HIF3A: variants seen among roughly 807,000 people sequenced by gnomAD.
The protein encoded by HIF3A is hypoxia-inducible factor 3-alpha.
Under a neutral mutation model 67.2 loss-of-function variants are expected in HIF3A, and 41 were observed. That is an observed-to-expected ratio of 0.61 (90% CI 0.48 to 0.79). The LOEUF is 0.79. Ranked by LOEUF, HIF3A falls within the 30% of genes least tolerant of loss-of-function variation. The probability of loss-of-function intolerance (pLI) is 0.00; values close to 1 mark genes in which losing one functional copy is unlikely to be tolerated. For synonymous variants in HIF3A, 356 were observed against 374.8 expected, an observed-to-expected ratio of 0.95 and a Z score of 0.58; for missense variants, 855 against 898.0, an observed-to-expected ratio of 0.95 and a Z score of 0.61.
intron 8 of HIF3A, 22 bp downstream of exon 8, chr19:46,312,675 G>A: frequency 1.3e-6 from 2 of 1,538,368 alleles, no homozygotes; most frequent in Non-Finnish European, 1.8e-6. Context: ...GAGGGGCTGG[G>A]GTGGCTGTGT....
In HIF3A at chr19:46,320,698, A is replaced by G; in HGVS notation, c.1144+137A>G. 3 of 642,002 alleles carry G rather than the reference A, an allele frequency of 4.7e-6. No individual in the cohort carries two copies. In the East Asian group the frequency reaches 8.1e-5, roughly 17 times the overall value. The allele number at this position is 642,002 out of a possible 1,614,324, so 39.8% of individuals were successfully genotyped here. On this transcript the variant is annotated intron_variant, in intron 9 of 14. Coordinates refer to ENST00000377670, the MANE Select transcript of HIF3A (RefSeq NM_152795.4). ...CTTCCCTGCGCACTCAGCCTCCAAA[A>G]CACACAGCCTCCTAAGAGCCCTTGG... is the stretch of plus-strand genomic sequence containing the variant.
chr19:46,336,874 C>T (rs1719180812), intron 14 of HIF3A, among the ~76,000 whole-genome samples: 1 of 152,160 alleles, frequency 6.6e-6, no homozygotes. Context: ...GTAATCCCAA[C>T]TACTCGGGAG....
intron 12 of HIF3A, among the ~76,000 whole-genome samples, chr19:46,329,954 G>A: frequency 2.1e-5 from 1 of 46,902 alleles, no homozygotes; most frequent in Non-Finnish European, 3.5e-5. Context: ...GTGAGACCCT[G>A]TCAAGAAAAA....
In HIF3A at chr19:46,336,382, T is replaced by C. The variant is rs185323516; in HGVS notation, c.1912+1396T>C. On this transcript the variant is annotated intron_variant, in intron 14 of 14. Transcript: ENST00000377670. ...GCTGGGATTACAGGCTTTCTCTTTT[T>C]TTTGAGAAGGGTCTCGCTCTGTCAC... is the stretch of plus-strand genomic sequence containing the variant. Among the ~76,000 whole-genome samples, 589 of 151,696 alleles carry C rather than the reference T, an allele frequency of 3.9e-3. 5 individuals carry two copies. Among genetic ancestry groups the C allele is most frequent in the Non-Finnish European group, 6.3e-3 (428 of 67,894 alleles).
Position 46,329,203 on chromosome 19 carries a change from G to T in HIF3A, c.1441-4G>T, listed in dbSNP as rs375923179. 5.5e-5 allele frequency: 88 copies of T among 1,595,674 alleles called. 1 individual carries two copies. The South Asian group carries it at 8.9e-4, about 16-fold the overall frequency. ...TCCTCTTACCTCCCTCCTGCCCTCCGCAGGATGCTGATGCTCTGGATTTGG... is the reference window on the plus strand; with the variant it reads ...TCCTCTTACCTCCCTCCTGCCCTCCTCAGGATGCTGATGCTCTGGATTTGG... On this transcript the variant is annotated splice_polypyrimidine_tract_variant and splice_region_variant and intron_variant, in intron 11 of 14. Transcript: ENST00000377670.
chr19:46,330,599 AATGG>A (rs1370466110), intron 12 of HIF3A, among the ~76,000 whole-genome samples: 1 of 146,894 alleles, frequency 6.8e-6, no homozygotes, highest in Non-Finnish European at 1.5e-5. Context: ...TCAATGGATT[AATGG>A]ATGGATGCAT....
At chr19:46,307,103 T>G (rs1156371972) in intron 3 of HIF3A, among the ~76,000 whole-genome samples, 1 of 152,018 alleles carries the variant, frequency 6.6e-6, no homozygotes, top group Non-Finnish European at 1.5e-5. Flanking sequence ...TCAGCAGCTT[T>G]TTAAATGTCA....
chr19:46,329,260 T>C lies in HIF3A; in HGVS notation c.1494T>C (p.Asp498=). 1 of 1,613,140 alleles carries C rather than the reference T, an allele frequency of 6.2e-7. No individual in the cohort carries two copies. Among genetic ancestry groups the C allele is most frequent in the Non-Finnish European group, 8.5e-7 (1 of 1,179,802 alleles). The part of the protein sequence containing the change: ...EMLAPYISMD[D]DFQLNASEQL... ...TGGCCCCCTACATCTCCATGGATGA[T>C]GACTTCCAGCTCAACGCCAGCGAGC... The change falls in exon 12 of 15, where the codon GAT becomes GAC. Residue 498 remains aspartate (D), a synonymous_variant. Coordinates refer to ENST00000377670, the MANE Select transcript of HIF3A (RefSeq NM_152795.4).
chr19:46,304,231 C>T (rs539861892), intron 2 of HIF3A, 143 bp downstream of exon 2: 2 of 692,560 alleles, frequency 2.9e-6, no homozygotes, highest in East Asian at 5.5e-5. Flanking sequence ...CGGAGCCCCA[C>T]CCCCCTGGAA....
chr19:46,313,567 T>C (rs1969662842), intron 8 of HIF3A, among the ~76,000 whole-genome samples: 1 of 150,594 alleles, frequency 6.6e-6, no homozygotes, highest in Non-Finnish European at 1.5e-5. Flanking sequence ...CACAGTTCTG[T>C]GAATTTTTGA....
At chr19:46,300,037 G>A (rs1000147284) in intron 1 of HIF3A, among the ~76,000 whole-genome samples, 5 of 152,162 alleles carry the variant, frequency 3.3e-5, no homozygotes, top group African/African-American at 9.7e-5. Context: ...AATGGAGGGC[G>A]CTGGGTTACT....
rs148285415 is a variant in HIF3A, at chr19:46,321,933, G to A, written c.1302G>A (p.Pro434=). 9.2e-5 allele frequency: 148 copies of A among 1,613,866 alleles called. 2 individuals are homozygous for A. The highest frequency in any genetic ancestry group is 7.9e-4 in the African/African-American group (59 of 75,032). ...GASVAATPST[P]LATRHPQSPL... The stretch of plus-strand genomic sequence containing the variant: ...CAGTAGCAGCCACTCCCAGCACCCC[G>A]CTGGCCACACGGCACCCCCAAAGTC... The change falls in exon 10 of 15, where the codon CCG becomes CCA. Residue 434 remains proline, a synonymous_variant. Coordinates refer to ENST00000377670, the MANE Select transcript of HIF3A (RefSeq NM_152795.4).
chr19:46,300,406 A>G (rs1378427177), intron 1 of HIF3A, among the ~76,000 whole-genome samples: 2 of 152,186 alleles, frequency 1.3e-5, no homozygotes, highest in East Asian at 3.8e-4. Flanking sequence ...CATGCCTGTA[A>G]TCCCAACATT....
chr19:46,312,849 A>C, intron 8 of HIF3A, 196 bp downstream of exon 8: 1 of 1,284,934 alleles, frequency 7.8e-7, no homozygotes, highest in Non-Finnish European at 9.8e-7. Context: ...GTCTGCATGG[A>C]CACAGGTATG....
At chr19:46,330,578 G>C (rs770629536) in intron 12 of HIF3A, among the ~76,000 whole-genome samples, 14 of 151,358 alleles carry the variant, frequency 9.2e-5, no homozygotes, top group Non-Finnish European at 2.1e-4. Flanking sequence ...ATGGATGGGT[G>C]GTTGGATTAA....
rs546305241 is a variant in HIF3A at position 46,297,053 on chromosome 19, C to T, written c.-24C>T. The T allele has an allele frequency of 6.9e-6, 9 of 1,303,090 alleles. No homozygotes were observed. In the South Asian group the frequency reaches 2.9e-4, roughly 42 times the overall value. 80.7% of individuals were successfully genotyped at this position (1,303,090 alleles called of 1,614,324 possible). A position where few individuals can be genotyped will look rare whatever the true frequency, so the allele number is the denominator to read the frequency against. ...GGAGGGGGCTAGGGGCCTCCGAGGGCTCCGGAGCGGCGACTGGCGAGCCAT... is the reference window on the plus strand; with the variant it reads ...GGAGGGGGCTAGGGGCCTCCGAGGGTTCCGGAGCGGCGACTGGCGAGCCAT... On this transcript the variant is annotated 5_prime_UTR_variant, in exon 1 of 15. Transcript: ENST00000377670. The surrounding 1 kb of genome is among the most constrained non-coding windows in gnomAD (Gnocchi z 4.5).
At chr19:46,326,493 TTGG>T (rs1337519343) in intron 11 of HIF3A, among the ~76,000 whole-genome samples, 1 of 152,038 alleles carries the variant, frequency 6.6e-6, no homozygotes, top group Non-Finnish European at 1.5e-5. Flanking sequence ...GCAGGGATCA[TTGG>T]GAACTTCCAA....
intron 14 of HIF3A, among the ~76,000 whole-genome samples, chr19:46,338,789 G>T (rs1235532836): frequency 6.6e-6 from 1 of 152,098 alleles, no homozygotes; most frequent in East Asian, 1.9e-4. Flanking sequence ...TCAAACTAGG[G>T]CAGCATCTGA....
chr19:46,331,542 C>T lies in HIF3A; in HGVS notation c.1830+269C>T, dbSNP rs539780374. ...AAAAAAAAAAAAAAAAAAAAAAAAA[C>T]TCTGCAAATACATGTAAGATGGCAG... On this transcript the variant is annotated intron_variant, in intron 13 of 14. Transcript: ENST00000377670. The T allele has an allele frequency of 2.0e-3, 361 of 183,602 alleles. 3 individuals are homozygous for T. The highest frequency in any genetic ancestry group is 0.011 in the African/African-American group (334 of 29,862). 11.4% of individuals were successfully genotyped at this position (183,602 alleles called of 1,614,324 possible). A position where few individuals can be genotyped will look rare whatever the true frequency, so the allele number is the denominator to read the frequency against.
Sources: gnomAD v4.1 joint callset for allele counts (sites outside exome capture counted in the v4.1 genomes callset) on GRCh38, gnomAD v4.1.1 for gene constraint, Gnocchi (gnomAD v3.1) non-coding constraint, MANE v1.5 for transcripts, NCBI Gene and HGNC (gene_info 2026-07-23, HGNC 2026-07-21) for gene names.